ZNF618: variants seen among roughly 807,000 people sequenced by gnomAD.
ZNF618 encodes zinc finger protein 618, also known as neural precursor cell expressed, developmentally down-regulated 10.
In ZNF618, 34 loss-of-function variants were observed where a neutral mutation model predicts 103.0. The ratio of observed to expected loss-of-function variants is 0.33; its 90% CI spans 0.25 to 0.44. The LOEUF (loss-of-function observed/expected upper bound fraction) is 0.44, where lower values mean the gene tolerates loss of function less well. Ranked by LOEUF, ZNF618 falls within the 20% of genes least tolerant of loss-of-function variation. The pLI is 1.00. For missense variants in ZNF618, 1,059 were observed against 1,295.4 expected (o/e 0.82, Z 2.80); for synonymous variants, 551 against 542.2 (o/e 1.02, Z -0.23).
At chr9:113,936,101 C>T (rs1273792078) in intron 1 of ZNF618, among the ~76,000 whole-genome samples, 1 of 151,970 alleles carries the variant, frequency 6.6e-6, no homozygotes, top group East Asian at 1.9e-4. Context: ...ATTATAGGCT[C>T]GAGCCTCCAT....
rs967492748 is a variant in ZNF618 at position 114,008,240 on chromosome 9, G to A, written c.641-104G>A. On this transcript the variant is annotated intron_variant, in intron 7 of 14. Transcript: ENST00000374126. ...CCTGGGCCCCAAGGCAAACCCATGGGGATAGGGGCTGGGAGCAGTGGCAGA... is the reference window on the plus strand; with the variant it reads ...CCTGGGCCCCAAGGCAAACCCATGGAGATAGGGGCTGGGAGCAGTGGCAGA... 12 of 1,514,090 alleles carry A rather than the reference G, an allele frequency of 7.9e-6. No individual in the cohort carries two copies. In the African/African-American group the frequency reaches 1.4e-4, roughly 17 times the overall value. The allele number at this position is 1,514,090 out of a possible 1,614,324, so 93.8% of individuals were successfully genotyped here.
chr9:114,011,490 T>C (rs1842240394), intron 9 of ZNF618, among the ~76,000 whole-genome samples: 1 of 152,220 alleles, frequency 6.6e-6, no homozygotes, highest in African/African-American at 2.4e-5. Flanking sequence ...CTGGACTGAA[T>C]GGAGCTGAGA....
At chr9:114,022,391 A>T (rs1275403885) in intron 10 of ZNF618, among the ~76,000 whole-genome samples, 1 of 151,976 alleles carries the variant, frequency 6.6e-6, no homozygotes. Context: ...TTTGAGCCTG[A>T]AGTTTTCTTT....
At chr9:113,967,591 G>T (rs1366256010) in intron 1 of ZNF618, among the ~76,000 whole-genome samples, 1 of 152,120 alleles carries the variant, frequency 6.6e-6, no homozygotes, top group Non-Finnish European at 1.5e-5. Context: ...ACCCAGACCT[G>T]AGCTTATAGC....
intron 5 of ZNF618, 61 bp from the exon 6 acceptor site, chr9:114,002,563 G>T (rs1297385448): frequency 1.3e-6 from 2 of 1,566,682 alleles, no homozygotes; most frequent in Non-Finnish European, 1.7e-6. Flanking sequence ...TTTGCACTTG[G>T]CACTGGCCCT....
chr9:114,013,683 G>T (rs1230862873), intron 9 of ZNF618, among the ~76,000 whole-genome samples: 1 of 152,066 alleles, frequency 6.6e-6, no homozygotes, highest in Non-Finnish European at 1.5e-5. Context: ...CACCTGCCTC[G>T]GCCTCCCAAA....
intron 1 of ZNF618, 89 bp downstream of exon 1, chr9:113,876,502 C>T (rs1827946224): frequency 9.8e-7 from 1 of 1,024,418 alleles, no homozygotes; most frequent in Non-Finnish European, 1.2e-6. Flanking sequence ...GCAAGATTTG[C>T]AAAATGCAAA....
At chr9:113,928,752 G>T (rs1444272363) in intron 1 of ZNF618, among the ~76,000 whole-genome samples, 1 of 152,058 alleles carries the variant, frequency 6.6e-6, no homozygotes, top group Non-Finnish European at 1.5e-5. Flanking sequence ...TATTATATTG[G>T]AGTCTTTTTG....
chr9:114,002,785 G>A, intron 6 of ZNF618, 123 bp downstream of exon 6: 2 of 1,071,792 alleles, frequency 1.9e-6, no homozygotes, highest in East Asian at 2.5e-5. Context: ...CAGTGCTGGG[G>A]TCCAAGCTTG....
At chr9:114,035,364 C>A in intron 12 of ZNF618, 1 of 599,624 alleles carries the variant, frequency 1.7e-6, no homozygotes, top group Non-Finnish European at 2.1e-6. Flanking sequence ...CGGGCAGACC[C>A]GGCAGCTGGT....
chr9:113,947,543 A>C (rs2132201586), intron 1 of ZNF618, among the ~76,000 whole-genome samples: 1 of 152,282 alleles, frequency 6.6e-6, no homozygotes, highest in African/African-American at 2.4e-5. Flanking sequence ...CCCTACCGGA[A>C]CCTTCCAGCT....
intron 1 of ZNF618, among the ~76,000 whole-genome samples, chr9:113,931,276 T>A (rs1164048492): frequency 6.6e-6 from 1 of 152,228 alleles, no homozygotes; most frequent in African/African-American, 2.4e-5. Context: ...GTCCCTGCCC[T>A]GAGCACACTC....
At position 114,008,336 on chromosome 9, in the gene ZNF618, G is replaced by T; in HGVS notation, c.641-8G>T. 1 of 1,613,472 alleles carries T rather than the reference G, an allele frequency of 6.2e-7. No individual in the cohort carries two copies. Among genetic ancestry groups the T allele is most frequent in the Non-Finnish European group, 8.5e-7 (1 of 1,179,864 alleles). On this transcript the variant is annotated splice_polypyrimidine_tract_variant and splice_region_variant and intron_variant, in intron 7 of 14. Transcript: ENST00000374126. ...CTTCTGCGGCTGCCGCCTCCTGCCCGGGCGCAGTGTTTAGTGTGGAAGGGG... is the reference window on the plus strand; with the variant it reads ...CTTCTGCGGCTGCCGCCTCCTGCCCTGGCGCAGTGTTTAGTGTGGAAGGGG...
intron 1 of ZNF618, among the ~76,000 whole-genome samples, chr9:113,917,235 C>CTTT (rs56300784): frequency 0.023 from 1,727 of 74,200 alleles, 2 homozygotes; most frequent in Non-Finnish European, 0.026. Context: ...TCTCTCTATC[C>CTTT]TTTTTTTTTT....
intron 13 of ZNF618, among the ~76,000 whole-genome samples, chr9:114,047,564 G>A (rs1845763455): frequency 1.3e-5 from 2 of 152,130 alleles, no homozygotes; most frequent in Non-Finnish European, 2.9e-5. Context: ...AGTAGGTGTG[G>A]GGTTCCCAGC....
intron 10 of ZNF618, among the ~76,000 whole-genome samples, chr9:114,019,778 T>C (rs1564307182): frequency 6.6e-6 from 1 of 152,212 alleles, no homozygotes; most frequent in Non-Finnish European, 1.5e-5. Context: ...TGTGGATTTT[T>C]CTCCTAGTCT....
rs930487394 is a variant in ZNF618 at position 114,016,618 on chromosome 9, G to C, written c.755-77G>C. On this transcript the variant is annotated intron_variant, in intron 9 of 14. Coordinates refer to ENST00000374126, the MANE Select transcript of ZNF618 (RefSeq NM_001318042.2). ...GTCCCAGAATGGGGAGGAGTTTTTTGGGGGGTGGGAGCACGCTGATGCTTC... is the reference window on the plus strand; with the variant it reads ...GTCCCAGAATGGGGAGGAGTTTTTTCGGGGGTGGGAGCACGCTGATGCTTC... 1.5e-5 allele frequency: 17 copies of C among 1,121,468 alleles called. No homozygotes were observed. The African/African-American group carries it at 2.5e-4, about 16-fold the overall frequency. The allele number at this position is 1,121,468 out of a possible 1,614,324, so 69.5% of individuals were successfully genotyped here. A position where few individuals can be genotyped will look rare whatever the true frequency, so the allele number is the denominator to read the frequency against.
chr9:113,924,897 G>A (rs1832947443), intron 1 of ZNF618, among the ~76,000 whole-genome samples: 1 of 151,666 alleles, frequency 6.6e-6, no homozygotes, highest in South Asian at 2.1e-4. Flanking sequence ...GATTTTGTGT[G>A]GTTTCTGTTC....
At chr9:113,917,349 G>A (rs1216631027) in intron 1 of ZNF618, among the ~76,000 whole-genome samples, 4 of 143,732 alleles carry the variant, frequency 2.8e-5, no homozygotes, top group Non-Finnish European at 6.0e-5. Flanking sequence ...GGGCTCAACT[G>A]ATCCTCCTAC....
Sources: gnomAD v4.1 joint callset for allele counts (sites outside exome capture counted in the v4.1 genomes callset) on GRCh38, gnomAD v4.1.1 for gene constraint, MANE v1.5 for transcripts, NCBI Gene and HGNC (gene_info 2026-07-23, HGNC 2026-07-21) for gene names.